Variants in TMEM135 observed in about 807,000 individuals in gnomAD.
TMEM135 encodes the protein transmembrane protein 135.
A neutral mutation model predicts 60.3 loss-of-function variants in TMEM135; 30 were observed. The observed-to-expected ratio is 0.50, with a 90% CI of 0.37 to 0.68. The LOEUF is 0.68. Ranked by LOEUF, TMEM135 falls within the 30% of genes least tolerant of loss-of-function variation. TMEM135 has a pLI of 0.00. For synonymous variants in TMEM135, 190 were observed against 186.7 expected (o/e 1.02, Z -0.14); for missense variants, 468 against 548.8 (o/e 0.85, Z 1.47).
chr11:87,118,045 G>C (rs1857935784), intron 4 of TMEM135, among the ~76,000 whole-genome samples: 1 of 151,830 alleles, frequency 6.6e-6, no homozygotes, highest in African/African-American at 2.4e-5. Context: ...TGGGTGACCT[G>C]GTGTGTTGTC....
chr11:87,321,492 G>A lies in TMEM135; in HGVS notation c.*159G>A, dbSNP rs1485075735. 6.0e-6 allele frequency: 5 copies of A among 835,936 alleles called. No homozygotes were observed. The highest frequency in any genetic ancestry group is 2.0e-5 in the Admixed American group (1 of 50,236). The allele number at this position is 835,936 out of a possible 1,614,324, so 51.8% of individuals were successfully genotyped here. ...TTTCTTATGAATCAGAAATTCAGAA[G>A]CTTTTTAGGAAGATGTTGCTTAATA... On this transcript the variant is annotated 3_prime_UTR_variant, in exon 15 of 15. Transcript: ENST00000305494.
chr11:87,259,278 A>G (rs2135399653), intron 6 of TMEM135: 1 of 381,130 alleles, frequency 2.6e-6, no homozygotes, highest in Non-Finnish European at 5.1e-6. Context: ...AGGGGACACC[A>G]GAAGTGGAAA....
At chr11:87,163,864 C>G (rs557345437) in intron 5 of TMEM135, among the ~76,000 whole-genome samples, 15,340 of 139,286 alleles carry the variant, frequency 0.11, 902 homozygotes, top group Middle Eastern at 0.14. Context: ...TCATGTCCTT[C>G]GCCCACTTTT....
chr11:87,196,883 A>G (rs1939972999), intron 5 of TMEM135, among the ~76,000 whole-genome samples: 1 of 152,132 alleles, frequency 6.6e-6, no homozygotes, highest in Non-Finnish European at 1.5e-5. Context: ...ATTGAATTTA[A>G]ATTACTTTAA....
chr11:87,301,349 G>C (rs185243563), intron 7 of TMEM135, among the ~76,000 whole-genome samples: 1 of 152,064 alleles, frequency 6.6e-6, no homozygotes, highest in East Asian at 1.9e-4. Context: ...TAATTCCTAA[G>C]CTCAAGCAAT....
rs148154596 is a variant in TMEM135 at position 87,166,709 on chromosome 11, C to G, written c.462+9303C>G. On this transcript the variant is annotated intron_variant, in intron 5 of 14. Transcript: ENST00000305494. ...ACCATGCTGTTTTGATTACTGTGGCCTTGTAGTATAGTTTGAAGTAAGGTA... is the reference window on the plus strand; with the variant it reads ...ACCATGCTGTTTTGATTACTGTGGCGTTGTAGTATAGTTTGAAGTAAGGTA... Among the ~76,000 whole-genome samples, 653 of 151,694 alleles carry G rather than the reference C, an allele frequency of 4.3e-3. 6 individuals carry two copies. The highest frequency in any genetic ancestry group is 7.0e-3 in the Non-Finnish European group (476 of 67,994).
intron 5 of TMEM135, among the ~76,000 whole-genome samples, chr11:87,231,073 T>G (rs1216465092): frequency 2.0e-5 from 3 of 152,080 alleles, no homozygotes; most frequent in Non-Finnish European, 4.4e-5. Flanking sequence ...GCTCTACAGT[T>G]ACCCAAGCTT....
chr11:87,252,168 G>A (rs933881115), intron 6 of TMEM135, among the ~76,000 whole-genome samples: 3 of 152,062 alleles, frequency 2.0e-5, no homozygotes, highest in Non-Finnish European at 4.4e-5. Context: ...TTAGACTGGA[G>A]AGACTAGACT....
chr11:87,250,550 G>A (rs988648878), intron 6 of TMEM135, among the ~76,000 whole-genome samples: 2 of 151,848 alleles, frequency 1.3e-5, no homozygotes, highest in African/African-American at 2.4e-5. Context: ...ACTCAGGAGT[G>A]TATTGTTTAA....
chr11:87,092,997 T>G (rs2244970), intron 4 of TMEM135, among the ~76,000 whole-genome samples: 61,814 of 151,920 alleles, frequency 0.41, 13,698 homozygotes, highest in East Asian at 0.65. Context: ...TGGAATTAAA[T>G]TCTTATCCAT....
At chr11:87,041,585 CAGA>C (rs1050119062) in intron 1 of TMEM135, among the ~76,000 whole-genome samples, 1 of 152,262 alleles carries the variant, frequency 6.6e-6, no homozygotes, top group African/African-American at 2.4e-5. Context: ...CCTTGCTTTG[CAGA>C]AGATGATTGT....
chr11:87,191,582 G>A (rs188822023), intron 5 of TMEM135, among the ~76,000 whole-genome samples: 1 of 152,182 alleles, frequency 6.6e-6, no homozygotes. Context: ...TTTGGGGCAG[G>A]GAAGAATTAG....
In TMEM135 at chr11:87,197,336, G is replaced by A. The variant is rs144072453; in HGVS notation, c.463-39302G>A. 2.4e-3 allele frequency among the ~76,000 whole-genome samples: 360 copies of A among 152,120 alleles called. 2 individuals carry two copies. Among genetic ancestry groups the A allele is most frequent in the South Asian group, 0.011 (54 of 4,824 alleles). ...TCTAATTCGGCATAAAGGGTAAAACGTATCAGACTCTCATACAGAGTTATG... is the reference window on the plus strand; with the variant it reads ...TCTAATTCGGCATAAAGGGTAAAACATATCAGACTCTCATACAGAGTTATG... On this transcript the variant is annotated intron_variant, in intron 5 of 14. Transcript: ENST00000305494.
intron 4 of TMEM135, among the ~76,000 whole-genome samples, chr11:87,093,748 G>A (rs1372904129): frequency 6.6e-6 from 1 of 150,540 alleles, no homozygotes; most frequent in Non-Finnish European, 1.5e-5. Context: ...TGGTCAGTCT[G>A]GTCGTGAACT....
At chr11:87,215,049 A>T (rs1247156878) in intron 5 of TMEM135, among the ~76,000 whole-genome samples, 3 of 152,096 alleles carry the variant, frequency 2.0e-5, no homozygotes, top group East Asian at 3.8e-4. Flanking sequence ...GGGACTCTTT[A>T]AAATATATTT....
At chr11:87,166,120 T>G (rs1286841384) in intron 5 of TMEM135, among the ~76,000 whole-genome samples, 1 of 151,718 alleles carries the variant, frequency 6.6e-6, no homozygotes, top group African/African-American at 2.4e-5. Flanking sequence ...CCAAATGTCT[T>G]CTTTTGAGAA....
At chr11:87,055,647 A>G (rs972512013) in intron 1 of TMEM135, among the ~76,000 whole-genome samples, 1 of 151,830 alleles carries the variant, frequency 6.6e-6, no homozygotes, top group Non-Finnish European at 1.5e-5. Context: ...CTGGAGTGCA[A>G]TAGCACGATC....
chr11:87,148,798 A>G (rs980477635), intron 4 of TMEM135, among the ~76,000 whole-genome samples: 72 of 152,298 alleles, frequency 4.7e-4, no homozygotes, highest in African/African-American at 1.7e-3. Flanking sequence ...AATTTCTGAG[A>G]CTAGACCTTT....
chr11:87,085,544 C>T, intron 3 of TMEM135, among the ~76,000 whole-genome samples: 1 of 152,204 alleles, frequency 6.6e-6, no homozygotes, highest in Non-Finnish European at 1.5e-5. Flanking sequence ...ATTGCTTGAG[C>T]TCAGGATTTC....
Sources: gnomAD v4.1 joint callset for allele counts (sites outside exome capture counted in the v4.1 genomes callset) on GRCh38, gnomAD v4.1.1 for gene constraint, MANE v1.5 for transcripts, NCBI Gene and HGNC (gene_info 2026-07-23, HGNC 2026-07-21) for gene names.